The following ADAMTS5 variants were observed in gnomAD, a reference collection of about 807,000 sequenced individuals.
The protein encoded by ADAMTS5 is A disintegrin and metalloproteinase with thrombospondin motifs 5.
In ADAMTS5, 54 loss-of-function variants were observed where a neutral mutation model predicts 81.4. The ratio of observed to expected loss-of-function variants is 0.66; its 90% CI spans 0.53 to 0.83. The LOEUF (loss-of-function observed/expected upper bound fraction) is 0.83. Among genes scored for constraint, ADAMTS5 ranks in the 40% least tolerant of loss-of-function variants. The pLI, the probability that ADAMTS5 is intolerant of heterozygous loss-of-function variation, is 0.00. For missense variants in ADAMTS5, 1,194 were observed against 1,229.9 expected (o/e 0.97, Z 0.44); for synonymous variants, 532 against 508.8 (o/e 1.05, Z -0.61).
At chr21:26,934,414 T>A (rs2123175722) in intron 4 of ADAMTS5, 52 bp downstream of exon 4, 1 of 1,597,588 alleles carries the variant, frequency 6.3e-7, no homozygotes, top group Non-Finnish European at 8.6e-7. Context: ...ATCACAAGAA[T>A]GCACTTCACT....
At chr21:26,927,138 C>G (rs1007321557) in intron 7 of ADAMTS5, among the ~76,000 whole-genome samples, 5 of 152,178 alleles carry the variant, frequency 3.3e-5, no homozygotes, top group Non-Finnish European at 7.3e-5. Context: ...ACAACTCTTA[C>G]AAAGTATGGC....
chr21:26,956,005 A>G (rs1987419834), intron 1 of ADAMTS5, among the ~76,000 whole-genome samples: 1 of 152,212 alleles, frequency 6.6e-6, no homozygotes, highest in South Asian at 2.1e-4. Context: ...CTTATATAGT[A>G]GGAACTCAGC....
chr21:26,930,248 C>T (rs1289070331), intron 6 of ADAMTS5, among the ~76,000 whole-genome samples, 187 bp from the exon 7 acceptor site: 1 of 151,792 alleles, frequency 6.6e-6, no homozygotes, highest in Non-Finnish European at 1.5e-5. Context: ...GTCATATTGC[C>T]AGAAAGCAGA....
rs959391212 is a variant in ADAMTS5, at chr21:26,932,082, T to C, written c.1971A>G (p.Ala657=). The C allele has an allele frequency of 6.2e-7, 1 of 1,614,104 alleles. No individual in the cohort carries two copies. The highest frequency in any genetic ancestry group is 1.3e-5 in the African/African-American group (1 of 74,946). Reference sequence around the variant, plus strand: ...TGCACACATCCGCTGGCAGGACACCTGCATATTTGGGAACCCATTCCACAA... The same window carrying C: ...TGCACACATCCGCTGGCAGGACACCCGCATATTTGGGAACCCATTCCACAA... The part of the protein sequence containing the change: ...KTFVEWVPKY[A]GVLPADVCKL... The change falls in exon 6 of 8, where the codon GCA becomes GCG. Residue 657 remains alanine, a synonymous_variant. Transcript: ENST00000284987.
rs1369234219 is a variant in ADAMTS5, at chr21:26,966,359, G to A, written c.33C>T (p.Cys11=). MLLGWASLLL[C]AFRLPLAAVG... is the part of the protein sequence containing the mutation. ...CCGCGGCCAGGGGCAGGCGGAACGC[G>A]CACAGCAGCAGGGACGCCCACCCGA... is the stretch of plus-strand genomic sequence containing the variant. Residue 11 remains cysteine (C), a synonymous_variant, in exon 1 of 8, where the codon TGC becomes TGT. Coordinates refer to ENST00000284987, the MANE Select transcript of ADAMTS5 (RefSeq NM_007038.5). 1.2e-5 allele frequency: 18 copies of A among 1,499,738 alleles called. No individual in the cohort carries two copies. The African/African-American group carries it at 1.7e-4, about 14-fold the overall frequency. The allele number at this position is 1,499,738 out of a possible 1,614,324, so 92.9% of individuals were successfully genotyped here. A position where few individuals can be genotyped will look rare whatever the true frequency, so the allele number is the denominator to read the frequency against.
chr21:26,954,054 AT>A (rs1200419708), intron 2 of ADAMTS5: 1 of 152,050 alleles, frequency 6.6e-6, no homozygotes, highest in African/African-American at 2.4e-5. Context: ...TACTAAGCCA[AT>A]TTCTCATACA....
In ADAMTS5 at chr21:26,966,378, C is replaced by A. The variant is rs919899121; in HGVS notation, c.14G>T (p.Trp5Leu). Residue 5 changes from tryptophan to leucine, a missense_variant, in exon 1 of 8, where the codon TGG becomes TTG. Trp to Leu is a moderately conservative substitution (Grantham distance 61). This residue lies in a region of ADAMTS5 where 498 missense variants were observed against 412.3 expected (regional missense o/e 1.21). Transcript: ENST00000284987. The part of the protein sequence containing the change: MLLG[W>L]ASLLLCAFRL... ...GAACGCGCACAGCAGCAGGGACGCC[C>A]ACCCGAGCAGCATAGTGCGCTGCCC... The A allele has an allele frequency of 2.7e-6, 4 of 1,488,506 alleles. No homozygotes were observed. The highest frequency in any genetic ancestry group is 4.5e-5 in the Admixed American group (2 of 44,084). The allele number at this position is 1,488,506 out of a possible 1,614,324, so 92.2% of individuals were successfully genotyped here.
intron 7 of ADAMTS5, among the ~76,000 whole-genome samples, chr21:26,924,963 T>A (rs779283125): frequency 3.9e-5 from 6 of 152,210 alleles, no homozygotes; most frequent in African/African-American, 4.8e-5. Context: ...CTACTTTCCA[T>A]TCTTTCTGGC....
At chr21:26,954,920 G>A in intron 1 of ADAMTS5, 49 bp from the exon 2 acceptor site, 1 of 1,603,220 alleles carries the variant, frequency 6.2e-7, no homozygotes, top group South Asian at 1.1e-5. Context: ...ACATCCAGAA[G>A]GAGCCGCCAC....
In ADAMTS5 at chr21:26,924,161, C is replaced by T; in HGVS notation, c.2685G>A (p.Trp895Ter). ...CCTGGCACTGCACCGTTCTGGTGTGCCAACCTGTGTCACAGGTCCTAGAGC... is the reference window on the plus strand; with the variant it reads ...CCTGGCACTGCACCGTTCTGGTGTGTCAACCTGTGTCACAGGTCCTAGAGC... ...LACSRTCDTG[W>*]HTRTVQCQDG... Residue 895 changes from tryptophan to a stop codon, truncating the protein, a stop_gained, in exon 8 of 8, where the codon TGG becomes TGA. Transcript: ENST00000284987. LOFTEE classifies it high-confidence loss of function. The T allele has an allele frequency of 6.2e-7, 1 of 1,614,192 alleles. No homozygotes were observed. Among genetic ancestry groups the T allele is most frequent in the Non-Finnish European group, 8.5e-7 (1 of 1,180,002 alleles).
intron 2 of ADAMTS5, among the ~76,000 whole-genome samples, chr21:26,947,444 T>C (rs1396266263): frequency 6.6e-6 from 1 of 152,060 alleles, no homozygotes; most frequent in East Asian, 1.9e-4. Flanking sequence ...TTTTTCTTTT[T>C]TTTTTTGAGA....
rs1185394794 is a variant in ADAMTS5 at position 26,965,539 on chromosome 21, G to C, written c.853C>G (p.Arg285Gly). Residue 285 changes from arginine to glycine, a missense_variant, in exon 1 of 8, where the codon CGG (arginine) becomes GGG (glycine). Physicochemically the swap from Arg to Gly is moderately radical, Grantham distance 125 (BLOSUM62 -2). Transcript: ENST00000284987. ...GTCAGCAGGTAATGCTGCAGGCCCC[G>C]GCCATACAACCGCGCCATGGACGCG... is the stretch of plus-strand genomic sequence containing the variant. ...ADASMARLYG[R>G]GLQHYLLTLA... 6.2e-7 allele frequency: 1 copy of C among 1,613,312 alleles called. No homozygotes were observed. Among genetic ancestry groups the C allele is most frequent in the Non-Finnish European group, 8.5e-7 (1 of 1,179,436 alleles).
At chr21:26,959,663 T>C (rs1291107100) in intron 1 of ADAMTS5, among the ~76,000 whole-genome samples, 1 of 152,210 alleles carries the variant, frequency 6.6e-6, no homozygotes. Context: ...ATACTAAATA[T>C]ATGAAATACA....
intron 3 of ADAMTS5, among the ~76,000 whole-genome samples, chr21:26,940,692 T>C (rs558489287): frequency 1.3e-5 from 2 of 152,240 alleles, no homozygotes; most frequent in East Asian, 3.9e-4. Flanking sequence ...TGTAGCTTTC[T>C]ATGAGTAAAG....
At chr21:26,959,037 G>A (rs1047159486) in intron 1 of ADAMTS5, among the ~76,000 whole-genome samples, 1 of 152,162 alleles carries the variant, frequency 6.6e-6, no homozygotes, top group Non-Finnish European at 1.5e-5. Flanking sequence ...TAGCAGGGAA[G>A]CTGGAAAGAG....
At chr21:26,957,523 A>G (rs950266370) in intron 1 of ADAMTS5, among the ~76,000 whole-genome samples, 1 of 152,216 alleles carries the variant, frequency 6.6e-6, no homozygotes, top group Non-Finnish European at 1.5e-5. Context: ...GATGTGAATC[A>G]CATACAATAC....
rs200526357 is a variant in ADAMTS5 at position 26,924,203 on chromosome 21, C to T, written c.2643G>A (p.Thr881=). The T allele has an allele frequency of 3.8e-5, 62 of 1,614,180 alleles. No individual in the cohort carries two copies. The Admixed American group carries it at 8.2e-4, about 21-fold the overall frequency. ...TCCTAGAGCAGGCGAGCCATGGGCCCGTGACCCACTGCGGCTGCGAAGTGT... is the reference window on the plus strand; with the variant it reads ...TCCTAGAGCAGGCGAGCCATGGGCCTGTGACCCACTGCGGCTGCGAAGTGT... ...GSHTSQPQWV[T]GPWLACSRTC... is the part of the protein sequence containing the mutation. Residue 881 remains threonine (T), a synonymous_variant, in exon 8 of 8, where the codon ACG becomes ACA. Transcript: ENST00000284987.
At chr21:26,928,942 A>T (rs1160778934) in intron 7 of ADAMTS5, among the ~76,000 whole-genome samples, 1 of 152,170 alleles carries the variant, frequency 6.6e-6, no homozygotes, top group Non-Finnish European at 1.5e-5. Flanking sequence ...ATAATTGGGC[A>T]TGCAGGGTTT....
Position 26,921,043 on chromosome 21 carries a change from A to G in ADAMTS5, c.*3010T>C, listed in dbSNP as rs1281016410. The G allele has an allele frequency of 2.6e-5, 4 of 152,572 alleles. No individual in the cohort carries two copies. The highest frequency in any genetic ancestry group is 5.9e-5 in the Non-Finnish European group (4 of 68,000). 9.5% of individuals were successfully genotyped at this position (152,572 alleles called of 1,614,324 possible). Reference sequence around the variant, plus strand: ...GAAGCATAAATTAAAAAGTAGGACAACAGCAAAACATTTTAAATATAGAAA... The same window carrying G: ...GAAGCATAAATTAAAAAGTAGGACAGCAGCAAAACATTTTAAATATAGAAA... On this transcript the variant is annotated 3_prime_UTR_variant, in exon 8 of 8. Transcript: ENST00000284987.
Sources: allele counts gnomAD v4.1 joint callset (sites outside exome capture counted in the v4.1 genomes callset), GRCh38; gene constraint gnomAD v4.1.1; regional missense constraint gnomAD v4.1.1; transcripts MANE v1.5; gene names NCBI Gene and HGNC (gene_info 2026-07-23, HGNC 2026-07-21).